The following TIMM23B variants were observed in gnomAD, a reference collection of about 807,000 sequenced individuals.
TIMM23B encodes the protein mitochondrial import inner membrane translocase subunit Tim23B.
A neutral mutation model predicts 27.3 loss-of-function variants in TIMM23B; 27 were observed. That is an observed-to-expected ratio of 0.99 (90% CI 0.73 to 1.36). TIMM23B has a LOEUF of 1.36. TIMM23B is among the 40% of genes most tolerant of loss of function. The probability of loss-of-function intolerance (pLI) is 0.00; values close to 1 mark genes in which losing one functional copy is unlikely to be tolerated. For synonymous variants in TIMM23B, 73 were observed against 92.4 expected, an observed-to-expected ratio of 0.79 and a Z score of 1.21; for missense variants, 205 against 244.2, an observed-to-expected ratio of 0.84 and a Z score of 1.07.
chr10:49,962,659 C>T (rs1839960138), intron 6 of TIMM23B, among the ~76,000 whole-genome samples: 1 of 152,170 alleles, frequency 6.6e-6, no homozygotes. Flanking sequence ...TTCCAGATAC[C>T]TACCTGAAAT....
chr10:49,955,026 A>C lies in TIMM23B; in HGVS notation c.369A>C (p.Gln123His), dbSNP rs1213186457. The change falls in exon 5 of 7, where the codon CAA (glutamine) becomes CAC (histidine). Residue 123 changes from glutamine to histidine, a missense_variant. Coordinates refer to ENST00000651259, the MANE Select transcript of TIMM23B (RefSeq NM_001290117.2). ...GGATTTTGAATATGGTGACTAGGCA[A>C]GGGGCACTTTGGGCTAATACTCTAG... ...NVQILNMVTRQGALWANTLGS... is the reference protein window; with the variant it reads ...NVQILNMVTRHGALWANTLGS... 2.2e-5 allele frequency: 35 copies of C among 1,612,902 alleles called. No homozygotes were observed. The highest frequency in any genetic ancestry group is 3.3e-5 in the Admixed American group (2 of 59,974).
intron 6 of TIMM23B, 105 bp downstream of exon 6, chr10:49,958,585 G>A: frequency 2.5e-6 from 2 of 814,250 alleles, no homozygotes; most frequent in East Asian, 2.5e-5. Context: ...ATAATCTAGT[G>A]TTCTAACTTT....
chr10:49,958,913 C>T (rs2133079684), intron 6 of TIMM23B, among the ~76,000 whole-genome samples: 1 of 152,282 alleles, frequency 6.6e-6, no homozygotes, highest in South Asian at 2.1e-4. Flanking sequence ...AAGGTTCATC[C>T]ATATTGTTGC....
At position 49,942,229 on chromosome 10, in the gene TIMM23B, C is replaced by T. The variant is rs1839134834; in HGVS notation, c.35C>T (p.Thr12Ile). 9.9e-6 allele frequency: 16 copies of T among 1,612,418 alleles called. No homozygotes were observed. The highest frequency in any genetic ancestry group is 1.4e-5 in the Non-Finnish European group (16 of 1,179,320). Residue 12 changes from threonine to isoleucine, a missense_variant, in exon 1 of 7, where the codon ACA becomes ATA. Transcript: ENST00000651259. ...GGCGGGGGAAGCGGCGACAAAACCA[C>T]AGGGGTATTGGCCGGCTTTTTCGGA... Reference protein sequence around the residue: ...EGGGGSGDKTTGVLAGFFGAG... With the variant: ...EGGGGSGDKTIGVLAGFFGAG...
chr10:49,971,450 A>G (rs1307541153), intron 6 of TIMM23B, among the ~76,000 whole-genome samples: 3 of 152,174 alleles, frequency 2.0e-5, no homozygotes, highest in African/African-American at 7.2e-5. Context: ...TAAAACAAAC[A>G]AAAAAAGAGA....
intron 6 of TIMM23B, among the ~76,000 whole-genome samples, chr10:49,960,700 A>C (rs1200084685): frequency 6.6e-6 from 1 of 151,418 alleles, no homozygotes; most frequent in Non-Finnish European, 1.5e-5. Context: ...TTTCTCACCA[A>C]ACCAAATTAC....
At chr10:49,942,341 C>G (rs1376458732) in intron 1 of TIMM23B, 41 bp downstream of exon 1, 113 of 1,580,860 alleles carry the variant, frequency 7.1e-5, no homozygotes, top group Non-Finnish European at 9.7e-5. Flanking sequence ...CTGACTGGTT[C>G]TTGCGTTTAC....
rs2132077166 is a variant in TIMM23B, at chr10:49,973,177, C to G, written c.*113C>G. 1 of 613,138 alleles carries G rather than the reference C, an allele frequency of 1.6e-6. No homozygotes were observed. Among genetic ancestry groups the G allele is most frequent in the South Asian group, 2.0e-5 (1 of 51,110 alleles). 38.0% of individuals were successfully genotyped at this position (613,138 alleles called of 1,614,324 possible). ...CCTCTGACATTTTAACCACCTCTGACTTTTCCATGGAATGGACAAGTAGTA... is the reference window on the plus strand; with the variant it reads ...CCTCTGACATTTTAACCACCTCTGAGTTTTCCATGGAATGGACAAGTAGTA... On this transcript the variant is annotated 3_prime_UTR_variant, in exon 7 of 7. Transcript: ENST00000651259.
chr10:49,943,038 T>A (rs1387461950), intron 1 of TIMM23B, among the ~76,000 whole-genome samples: 15 of 152,326 alleles, frequency 9.8e-5, no homozygotes, highest in Non-Finnish European at 1.6e-4. Context: ...TTTACGAAAG[T>A]ACTTTCTTTT....
At chr10:49,960,853 A>G (rs1376455176) in intron 6 of TIMM23B, among the ~76,000 whole-genome samples, 1 of 152,224 alleles carries the variant, frequency 6.6e-6, no homozygotes, top group Non-Finnish European at 1.5e-5. Context: ...GTGGGAGAAA[A>G]GTCTGGGAAG....
At chr10:49,964,603 C>T (rs1169639562) in intron 6 of TIMM23B, among the ~76,000 whole-genome samples, 5 of 145,770 alleles carry the variant, frequency 3.4e-5, no homozygotes, top group Admixed American at 2.8e-4. Flanking sequence ...TAATGAAATG[C>T]CGGGTGAAAT....
At chr10:49,953,280 T>C (rs1375400401) in intron 4 of TIMM23B, among the ~76,000 whole-genome samples, 2 of 152,236 alleles carry the variant, frequency 1.3e-5, no homozygotes, top group Admixed American at 6.5e-5. Context: ...TCCTTTCATA[T>C]TGTTCACCCA....
chr10:49,945,376 G>A (rs1446170931), intron 2 of TIMM23B, among the ~76,000 whole-genome samples: 2 of 151,970 alleles, frequency 1.3e-5, no homozygotes, highest in African/African-American at 4.8e-5. Context: ...GGGTTTTTTT[G>A]TTTGTTTGTT....
chr10:49,969,795 A>C (rs1459692154), intron 6 of TIMM23B, among the ~76,000 whole-genome samples: 1 of 150,896 alleles, frequency 6.6e-6, no homozygotes, highest in Non-Finnish European at 1.5e-5. Context: ...CCCTCTCCCC[A>C]CGGTCTCCCT....
chr10:49,963,123 C>A, intron 6 of TIMM23B, among the ~76,000 whole-genome samples: 1 of 151,828 alleles, frequency 6.6e-6, no homozygotes, highest in Non-Finnish European at 1.5e-5. Flanking sequence ...GAACTCCCGA[C>A]CTCAGGTTGC....
At chr10:49,942,605 C>T (rs1227809077) in intron 1 of TIMM23B, among the ~76,000 whole-genome samples, 7 of 152,236 alleles carry the variant, frequency 4.6e-5, no homozygotes, top group Admixed American at 4.6e-4. Flanking sequence ...GTGATTGACC[C>T]TTAAGAGTAG....
chr10:49,966,740 G>A (rs1308575771), intron 6 of TIMM23B, among the ~76,000 whole-genome samples: 2 of 151,780 alleles, frequency 1.3e-5, no homozygotes, highest in Non-Finnish European at 1.5e-5. Flanking sequence ...GAGGAGAATC[G>A]CTTGAACCCA....
Position 49,958,381 on chromosome 10 carries a change from A to C in TIMM23B, c.415A>C (p.Ser139Arg), listed in dbSNP as rs1839792271. The change falls in exon 6 of 7, where the codon AGT becomes CGT. Residue 139 changes from serine (S) to arginine (R), a missense_variant. Transcript: ENST00000651259. ...CATTTCCTCTTTAGCGTTGCTCTAT[A>C]GTGCATTTGGTGTCATCATTGAGAA... Reference protein sequence around the residue: ...NTLGSLALLYSAFGVIIEKTR... With the variant: ...NTLGSLALLYRAFGVIIEKTR... 3.1e-6 allele frequency: 5 copies of C among 1,613,884 alleles called. No homozygotes were observed. The East Asian group carries it at 1.1e-4, about 36-fold the overall frequency.
intron 6 of TIMM23B, among the ~76,000 whole-genome samples, chr10:49,971,714 G>T (rs1402415339): frequency 2.0e-5 from 3 of 152,150 alleles, no homozygotes; most frequent in Non-Finnish European, 4.4e-5. Context: ...GCTATGTACC[G>T]GGGACATTTG....
Sources: gnomAD v4.1 joint callset for allele counts (sites outside exome capture counted in the v4.1 genomes callset) on GRCh38, gnomAD v4.1.1 for gene constraint, MANE v1.5 for transcripts, NCBI Gene and HGNC (gene_info 2026-07-23, HGNC 2026-07-21) for gene names.